The following COL4A6 variants were observed in gnomAD, a reference collection of about 807,000 sequenced individuals.
COL4A6 encodes the protein collagen alpha-6(IV) chain.
A neutral mutation model predicts 126.7 loss-of-function variants in COL4A6; 59 were observed. That is an observed-to-expected ratio of 0.47 (90% confidence interval 0.38 to 0.58). The LOEUF (loss-of-function observed/expected upper bound fraction) is 0.58, where lower values mean the gene tolerates loss of function less well. Among genes scored for constraint, COL4A6 ranks in the 20% least tolerant of loss-of-function variants. COL4A6 has a pLI of 0.00. For missense variants in COL4A6, 1,285 were observed against 1,337.3 expected (o/e 0.96, Z 0.61); for synonymous variants, 547 against 496.6 (o/e 1.10, Z -1.35).
rs760675474 is a variant in COL4A6 at position 108,157,040 on chromosome X, G to C, written c.5033C>G (p.Thr1678Ser). ...ACACACCTGGCAGCGACTGACTCGA[G>C]TGTGGAGCTGCCCAGCTTTCAGCGT... ...SETLKAGQLHTRVSRCQVCMK... is the reference protein window; with the variant it reads ...SETLKAGQLHSRVSRCQVCMK... Residue 1678 changes from threonine (T) to serine (S), a missense_variant, in exon 45 of 45, where the codon ACT (threonine) becomes AGT (serine). Transcript: ENST00000334504. 2.0e-5 allele frequency: 24 copies of C among 1,210,088 alleles called. No homozygotes were observed. In the South Asian group the frequency reaches 4.0e-4, roughly 20 times the overall value.
At chrX:108,428,452 C>T (rs1018517365) in intron 2 of COL4A6, among the ~76,000 whole-genome samples, 2 of 111,794 alleles carry the variant, frequency 1.8e-5, no homozygotes, top group African/African-American at 6.5e-5. Context: ...TGGTGCATGG[C>T]ATGTTCACAT....
At chrX:108,248,437 T>C (rs1403595225) in intron 3 of COL4A6, among the ~76,000 whole-genome samples, 1 of 110,493 alleles carries the variant, frequency 9.1e-6, no homozygotes, top group African/African-American at 3.3e-5. Flanking sequence ...CTTTGGTTTA[T>C]GTGCTTCTCT....
At chrX:108,160,972 T>A (rs773676472) in intron 42 of COL4A6, among the ~76,000 whole-genome samples, 2 of 111,617 alleles carry the variant, frequency 1.8e-5, no homozygotes, top group East Asian at 5.6e-4. Context: ...TGAGTGGGGA[T>A]TAGGGTGTGG....
At chrX:108,205,376 T>C in intron 11 of COL4A6, 63 bp downstream of exon 11, 1 of 919,552 alleles carries the variant, frequency 1.1e-6, no homozygotes. Flanking sequence ...GGCACATGTG[T>C]GTAATCAGAC....
At chrX:108,386,549 C>T (rs1275530212) in intron 2 of COL4A6, among the ~76,000 whole-genome samples, 1 of 111,915 alleles carries the variant, frequency 8.9e-6, no homozygotes, top group African/African-American at 3.2e-5. Flanking sequence ...ATATCGTTCG[C>T]CCACGTTTTG....
intron 41 of COL4A6, among the ~76,000 whole-genome samples, chrX:108,162,546 G>A (rs1245486150): frequency 2.7e-5 from 3 of 110,732 alleles, no homozygotes; most frequent in African/African-American, 9.9e-5. Flanking sequence ...CCAATTAGAG[G>A]CCAGGTTTTC....
chrX:108,239,472 T>C (rs916493715), intron 3 of COL4A6, among the ~76,000 whole-genome samples: 2 of 112,172 alleles, frequency 1.8e-5, no homozygotes, highest in Non-Finnish European at 3.8e-5. Context: ...TAGCATAATG[T>C]GGTAAATTGG....
intron 2 of COL4A6, among the ~76,000 whole-genome samples, chrX:108,423,190 A>G (rs991489814): frequency 3.6e-5 from 4 of 111,814 alleles, no homozygotes; most frequent in Non-Finnish European, 7.5e-5. Flanking sequence ...CACATAGAAA[A>G]TTTACAAGGC....
At chrX:108,305,368 C>A (rs1291846252) in intron 3 of COL4A6, among the ~76,000 whole-genome samples, 2 of 111,442 alleles carry the variant, frequency 1.8e-5, no homozygotes, top group Non-Finnish European at 3.8e-5. Flanking sequence ...GAGGAGGGTT[C>A]CTAATAATGA....
Position 108,192,544 on chromosome X carries a change from C to T in COL4A6, c.1109G>A (p.Gly370Asp), listed in dbSNP as rs969384056. ...TTGGATGCCTTCATCTCCTTTAAGG[C>T]CTGGGAGGCCAGGTACACCAGGATC... ...PGDPGVPGLP[G>D]LKGDEGIQGL... Residue 370 changes from glycine to aspartate, a missense_variant, in exon 18 of 45, where the codon GGC (glycine) becomes GAC (aspartate). By Grantham distance (94) the Gly-to-Asp change is moderately conservative. Transcript: ENST00000334504. 8.3e-7 allele frequency: 1 copy of T among 1,205,840 alleles called. No homozygotes were observed. Among genetic ancestry groups the T allele is most frequent in the Non-Finnish European group, 1.1e-6 (1 of 891,646 alleles).
chrX:108,292,129 GTCTGAAAC>G (rs1295194043), intron 3 of COL4A6, among the ~76,000 whole-genome samples: 1 of 111,698 alleles, frequency 9.0e-6, no homozygotes, highest in African/African-American at 3.3e-5. Flanking sequence ...AGTATCCTTG[GTCTGAAAC>G]ATAATTCCAT....
At chrX:108,160,435 AG>A in intron 43 of COL4A6, 27 bp downstream of exon 43, 1 of 1,164,287 alleles carries the variant, frequency 8.6e-7, no homozygotes, top group South Asian at 2.0e-5. Context: ...ACAGGTGACC[AG>A]GGCTGGCTGT....
chrX:108,221,136 A>T (rs1274914381), intron 4 of COL4A6, 104 bp downstream of exon 4: 2 of 1,081,809 alleles, frequency 1.8e-6, no homozygotes, highest in Admixed American at 4.4e-5. Context: ...GCACCAAACT[A>T]CTCAGGAATG....
chrX:108,382,775 C>T (rs1270855869), intron 2 of COL4A6, among the ~76,000 whole-genome samples: 6 of 108,676 alleles, frequency 5.5e-5, no homozygotes, highest in East Asian at 2.9e-4. Flanking sequence ...GGTGAAACCC[C>T]GCCTCTACTA....
chrX:108,407,492 T>A (rs1409210598), intron 2 of COL4A6, among the ~76,000 whole-genome samples: 1 of 112,265 alleles, frequency 8.9e-6, no homozygotes, highest in Non-Finnish European at 1.9e-5. Context: ...TGAACCTGAA[T>A]ATAATCTAAG....
At chrX:108,298,071 C>T (rs1447904180) in intron 3 of COL4A6, among the ~76,000 whole-genome samples, 1 of 112,008 alleles carries the variant, frequency 8.9e-6, no homozygotes, top group Non-Finnish European at 1.9e-5. Flanking sequence ...GGCCTGTTTC[C>T]CCATATGTAA....
intron 2 of COL4A6, among the ~76,000 whole-genome samples, chrX:108,420,774 C>T (rs948003517): frequency 8.9e-6 from 1 of 111,734 alleles, no homozygotes; most frequent in Non-Finnish European, 1.9e-5. Context: ...AGTCATATGG[C>T]TCTTCAATGG....
intron 5 of COL4A6, among the ~76,000 whole-genome samples, chrX:108,217,159 A>G (rs2035881022): frequency 8.9e-6 from 1 of 112,069 alleles, no homozygotes. Context: ...GTGACGACTA[A>G]CCCACTCATG....
intron 3 of COL4A6, among the ~76,000 whole-genome samples, chrX:108,298,286 AG>A (rs1420638992): frequency 8.9e-6 from 1 of 112,810 alleles, no homozygotes; most frequent in African/African-American, 3.2e-5. Flanking sequence ...TGTTTGCTTC[AG>A]AACTGCCTTC....
Sources: gnomAD v4.1 joint callset for allele counts (sites outside exome capture counted in the v4.1 genomes callset) on GRCh38, gnomAD v4.1.1 for gene constraint, MANE v1.5 for transcripts, NCBI Gene and HGNC (gene_info 2026-07-23, HGNC 2026-07-21) for gene names.